CLDN20: variants seen among roughly 807,000 people sequenced by gnomAD.
The protein encoded by CLDN20 is claudin-20.
For missense variants in CLDN20, 258 were observed against 267.9 expected (o/e 0.96, Z 0.26); for synonymous variants, 104 against 103.6 (o/e 1.00, Z -0.03).
rs563188200 is a variant in CLDN20, at chr6:155,275,180, C to T, written c.-104-436C>T. ...GGTGGAGCTTGCAGTGAGCCAAGAT[C>T]GCTCCACTGCACTCCAGCCTGGGTG... On this transcript the variant is annotated intron_variant, in intron 1 of 1. Coordinates refer to ENST00000367165, the MANE Select transcript of CLDN20 (RefSeq NM_001001346.3). Among the ~76,000 whole-genome samples the T allele has an allele frequency of 2.6e-5, 4 of 152,064 alleles. No individual in the cohort carries two copies. The East Asian group carries it at 5.8e-4, about 22-fold the overall frequency.
chr6:155,275,493 C>T (rs1785146976), intron 1 of CLDN20, 123 bp from the exon 2 acceptor site: 1 of 497,282 alleles, frequency 2.0e-6, no homozygotes, highest in East Asian at 3.5e-5. Flanking sequence ...CTACAGCATC[C>T]TCATCTGCTT....
At chr6:155,274,320 A>G (rs1200959781) in intron 1 of CLDN20, among the ~76,000 whole-genome samples, 1 of 152,272 alleles carries the variant, frequency 6.6e-6, no homozygotes, top group African/African-American at 2.4e-5. Context: ...TGGGCTAGAT[A>G]GGGGAACAGG....
chr6:155,274,087 T>A (rs1785061554), intron 1 of CLDN20, among the ~76,000 whole-genome samples: 1 of 152,214 alleles, frequency 6.6e-6, no homozygotes, highest in South Asian at 2.1e-4. Flanking sequence ...CTCCCCATTT[T>A]CCAGAAGAGG....
At chr6:155,268,651 C>A (rs1784772653) in intron 1 of CLDN20, among the ~76,000 whole-genome samples, 1 of 152,016 alleles carries the variant, frequency 6.6e-6, no homozygotes, top group Non-Finnish European at 1.5e-5. Flanking sequence ...GACCTTACCC[C>A]CAACCCGGTG....
intron 1 of CLDN20, among the ~76,000 whole-genome samples, chr6:155,272,028 G>A (rs902442478): frequency 8.6e-5 from 13 of 152,036 alleles, no homozygotes; most frequent in Non-Finnish European, 2.9e-5. Context: ...AGATTTCTAC[G>A]TTGTCCTTTA....
At chr6:155,274,596 T>G (rs770307576) in intron 1 of CLDN20, among the ~76,000 whole-genome samples, 2 of 152,216 alleles carry the variant, frequency 1.3e-5, no homozygotes, top group African/African-American at 4.8e-5. Flanking sequence ...GACCTCATGT[T>G]CTTATATACA....
chr6:155,265,183 G>A (rs1784571853), intron 1 of CLDN20, among the ~76,000 whole-genome samples: 1 of 152,172 alleles, frequency 6.6e-6, no homozygotes, highest in Non-Finnish European at 1.5e-5. Context: ...CAGCTTCGAG[G>A]CTGCCCAGCC....
intron 1 of CLDN20, among the ~76,000 whole-genome samples, chr6:155,266,943 G>A (rs1168510497): frequency 6.6e-6 from 1 of 150,520 alleles, no homozygotes; most frequent in Non-Finnish European, 1.5e-5. Flanking sequence ...TGGGAGAGGG[G>A]AAGAGAACTC....
At chr6:155,273,197 A>G (rs1242732697) in intron 1 of CLDN20, among the ~76,000 whole-genome samples, 3 of 152,188 alleles carry the variant, frequency 2.0e-5, no homozygotes, top group Non-Finnish European at 2.9e-5. Context: ...CTTTTGTTCT[A>G]TTTTGGTCTA....
At chr6:155,275,579 T>G (rs965225039) in intron 1 of CLDN20, 37 bp from the exon 2 acceptor site, 2 of 794,938 alleles carry the variant, frequency 2.5e-6, no homozygotes, top group Admixed American at 2.3e-5. Context: ...TTACTTACTT[T>G]CTTTCGCTCA....
intron 1 of CLDN20, among the ~76,000 whole-genome samples, chr6:155,265,785 A>AAT (rs996703375): frequency 6.8e-6 from 1 of 146,602 alleles, no homozygotes. Flanking sequence ...GTAAATATTA[A>AAT]ATATATATAT....
At chr6:155,270,318 T>C (rs1171808230) in intron 1 of CLDN20, among the ~76,000 whole-genome samples, 1 of 152,094 alleles carries the variant, frequency 6.6e-6, no homozygotes, top group Non-Finnish European at 1.5e-5. Flanking sequence ...GGCAAGAGAT[T>C]TAAGCTGAGG....
At chr6:155,267,920 G>A (rs992556243) in intron 1 of CLDN20, among the ~76,000 whole-genome samples, 1 of 152,150 alleles carries the variant, frequency 6.6e-6, no homozygotes, top group South Asian at 2.1e-4. Flanking sequence ...TTATAGTTTA[G>A]TCTACTGTTA....
Position 155,264,258 on chromosome 6 carries a change from A to T in CLDN20, c.-135A>T, listed in dbSNP as rs1313890020. Reference sequence around the variant, plus strand: ...AGCTAATGACAGTCCACTTTAGGACATCACGGGCCTCGAGGTTACAACTTT... The same window carrying T: ...AGCTAATGACAGTCCACTTTAGGACTTCACGGGCCTCGAGGTTACAACTTT... On this transcript the variant is annotated 5_prime_UTR_variant, in exon 1 of 2. Coordinates refer to ENST00000367165, the MANE Select transcript of CLDN20 (RefSeq NM_001001346.3). 6.6e-6 allele frequency: 1 copy of T among 152,222 alleles called. No homozygotes were observed. Among genetic ancestry groups the T allele is most frequent in the Non-Finnish European group, 1.5e-5 (1 of 68,026 alleles). 9.4% of individuals were successfully genotyped at this position (152,222 alleles called of 1,614,324 possible).
chr6:155,269,065 C>T (rs2114692555), intron 1 of CLDN20, among the ~76,000 whole-genome samples: 1 of 148,990 alleles, frequency 6.7e-6, no homozygotes, highest in African/African-American at 2.5e-5. Context: ...GTGGACTTTG[C>T]AGGACTGAGA....
rs77840497 is a variant in CLDN20 at position 155,273,648 on chromosome 6, C to G, written c.-104-1968C>G. Among the ~76,000 whole-genome samples the G allele has an allele frequency of 6.8e-3, 1,033 of 152,146 alleles. 20 individuals carry two copies. The highest frequency in any genetic ancestry group is 0.023 in the African/African-American group (965 of 41,510). On this transcript the variant is annotated intron_variant, in intron 1 of 1. Coordinates refer to ENST00000367165, the MANE Select transcript of CLDN20 (RefSeq NM_001001346.3). ...TGTTTTCCCTGGTTCCCAAGGGAAA[C>G]ACACAGGGGGAGAAAGAATTTCAGC... is the stretch of plus-strand genomic sequence containing the variant.
At chr6:155,273,858 G>T (rs532805731) in intron 1 of CLDN20, among the ~76,000 whole-genome samples, 33 of 152,202 alleles carry the variant, frequency 2.2e-4, no homozygotes, top group African/African-American at 7.7e-4. Context: ...GTTTCTTTCA[G>T]CTCCAAGATT....
At chr6:155,271,709 CT>C (rs1784925050) in intron 1 of CLDN20, among the ~76,000 whole-genome samples, 1 of 152,148 alleles carries the variant, frequency 6.6e-6, no homozygotes, top group Non-Finnish European at 1.5e-5. Context: ...AGACCACATT[CT>C]TGAACTGAGG....
At chr6:155,271,915 C>T (rs1784936805) in intron 1 of CLDN20, among the ~76,000 whole-genome samples, 1 of 152,272 alleles carries the variant, frequency 6.6e-6, no homozygotes, top group South Asian at 2.1e-4. Flanking sequence ...ACAACAATTC[C>T]CTCCCTTCCC....
Sources: gnomAD v4.1 joint callset for allele counts (sites outside exome capture counted in the v4.1 genomes callset) on GRCh38, gnomAD v4.1.1 for gene constraint, MANE v1.5 for transcripts, NCBI Gene and HGNC (gene_info 2026-07-23, HGNC 2026-07-21) for gene names.